Variants in PICALM observed in about 807,000 individuals in gnomAD.
The protein encoded by PICALM is phosphatidylinositol-binding clathrin assembly protein.
In PICALM, 40 loss-of-function variants were observed where a neutral mutation model predicts 80.5. The ratio of observed to expected loss-of-function variants is 0.50; its 90% CI spans 0.39 to 0.65. The LOEUF is 0.65. Ranked by LOEUF, PICALM falls within the 30% of genes least tolerant of loss-of-function variation. The pLI, the probability that PICALM is intolerant of heterozygous loss-of-function variation, is 0.00. For missense variants in PICALM, 676 were observed against 778.9 expected (o/e 0.87, Z 1.57); for synonymous variants, 288 against 260.3 (o/e 1.11, Z -1.02).
chr11:85,960,753 T>C, intron 19 of PICALM: 5 of 1,310,536 alleles, frequency 3.8e-6, no homozygotes, highest in South Asian at 3.8e-5. Context: ...GGACTGTGAC[T>C]GGAGGGGCTG....
At chr11:86,023,355 A>T in intron 3 of PICALM, 11 of 494,334 alleles carry the variant, frequency 2.2e-5, no homozygotes, top group Non-Finnish European at 2.9e-5. Flanking sequence ...ATTAAGTACC[A>T]GTGGAGAAAA....
Position 85,991,724 on chromosome 11 carries a change from G to A in PICALM, c.1259-1325C>T, listed in dbSNP as rs200758405. Among the ~76,000 whole-genome samples, 7 of 150,400 alleles carry A rather than the reference G, an allele frequency of 4.7e-5. No homozygotes were observed. In the East Asian group the frequency reaches 1.2e-3, roughly 25 times the overall value. On this transcript the variant is annotated intron_variant, in intron 12 of 19. Transcript: ENST00000393346. ...TATGCTGATTATGCTATTCAAACTC[G>A]AAATCTTTCCCATCATTCCACCCCC...
At chr11:85,970,909 G>A (rs2094087734) in intron 19 of PICALM, among the ~76,000 whole-genome samples, 1 of 152,108 alleles carries the variant, frequency 6.6e-6, no homozygotes, top group African/African-American at 2.4e-5. Flanking sequence ...GGATTAAATC[G>A]GGGAGGCAGA....
chr11:86,008,028 C>A (rs765431085), intron 7 of PICALM, among the ~76,000 whole-genome samples: 54 of 152,210 alleles, frequency 3.5e-4, no homozygotes, highest in Non-Finnish European at 6.8e-4. Flanking sequence ...CATGCTTTCC[C>A]TGGAAATCAC....
At chr11:86,020,722 A>T (rs990003737) in intron 4 of PICALM, among the ~76,000 whole-genome samples, 8 of 152,238 alleles carry the variant, frequency 5.3e-5, no homozygotes, top group African/African-American at 1.9e-4. Flanking sequence ...CACCATATAC[A>T]AAAGTTAATT....
intron 4 of PICALM, among the ~76,000 whole-genome samples, chr11:86,021,303 A>G (rs537672657): frequency 6.6e-6 from 1 of 152,276 alleles, no homozygotes; most frequent in East Asian, 1.9e-4. Context: ...GTGAGCTGGG[A>G]TGGTGCCACT....
rs1360876147 is a variant in PICALM, at chr11:85,981,957, C to G, written c.1563G>C (p.Gln521His). The G allele has an allele frequency of 6.2e-7, 1 of 1,613,018 alleles. No homozygotes were observed. The highest frequency in any genetic ancestry group is 1.7e-5 in the Admixed American group (1 of 60,028). Residue 521 changes from glutamine (Q) to histidine (H), a missense_variant, in exon 15 of 20, where the codon CAG becomes CAC. Gln to His is a conservative substitution (Grantham distance 24, BLOSUM62 0). Around this residue, in one of 2 missense-constraint regions of PICALM, gnomAD observed 391 missense variants for 383.6 expected, o/e 1.02. Transcript: ENST00000393346. ...GGLLKPTVAS[Q>H]NQNLPVAKLP... ...GTTTGGCAACAGGAAGGTTCTGGTT[C>G]TGAGAGGCCACTGTTGGTTTGAGAA...
chr11:86,061,795 G>A (rs375835755), intron 1 of PICALM, among the ~76,000 whole-genome samples: 3 of 152,286 alleles, frequency 2.0e-5, no homozygotes, highest in African/African-American at 7.2e-5. Flanking sequence ...CAAAAGACAC[G>A]CACACAGATG....
intron 6 of PICALM, among the ~76,000 whole-genome samples, chr11:86,012,032 A>G (rs954095002): frequency 6.6e-6 from 1 of 152,132 alleles, no homozygotes. Context: ...CTAAAAATTA[A>G]TAAAATGGGT....
At chr11:86,008,215 T>C (rs750493507) in intron 7 of PICALM, among the ~76,000 whole-genome samples, 12 of 152,200 alleles carry the variant, frequency 7.9e-5, no homozygotes, top group Non-Finnish European at 1.3e-4. Context: ...CTGTGTATTC[T>C]AGCACCCCAA....
intron 2 of PICALM, among the ~76,000 whole-genome samples, chr11:86,028,129 G>T (rs1294458698): frequency 6.6e-6 from 1 of 151,912 alleles, no homozygotes; most frequent in African/African-American, 2.4e-5. Context: ...ATTATATTTA[G>T]CTGCAAAGAC....
chr11:85,991,039 GA>G (rs2094756739), intron 12 of PICALM, among the ~76,000 whole-genome samples: 2 of 152,080 alleles, frequency 1.3e-5, no homozygotes, highest in African/African-American at 2.4e-5. Flanking sequence ...ATTGCTAAAG[GA>G]ACAACAAAAG....
chr11:86,031,484 C>T lies in PICALM; in HGVS notation c.258G>A (p.Met86Ile). The T allele has an allele frequency of 6.2e-7, 1 of 1,612,100 alleles. No homozygotes were observed. The highest frequency in any genetic ancestry group is 8.5e-7 in the Non-Finnish European group (1 of 1,179,334). Residue 86 changes from methionine (M) to isoleucine (I), a missense_variant, in exon 2 of 20, where the codon ATG (methionine) becomes ATA (isoleucine). Coordinates refer to ENST00000393346, the MANE Select transcript of PICALM (RefSeq NM_007166.4). The stretch of plus-strand genomic sequence containing the variant: ...TTCTGCTTACCTCATTTCCATACAC[C>T]ATCAAATGATGAGTTGTAATGAGAG... ...FKSLITTHHL[M>I]VYGNERFIQY... is the part of the protein sequence containing the mutation.
intron 1 of PICALM, among the ~76,000 whole-genome samples, chr11:86,063,397 T>G (rs1370305243): frequency 6.6e-6 from 1 of 152,150 alleles, no homozygotes; most frequent in African/African-American, 2.4e-5. Flanking sequence ...GCCCAAAGTC[T>G]TATACTATTT....
chr11:85,991,172 CTG>C (rs895803983), intron 12 of PICALM, among the ~76,000 whole-genome samples: 1 of 152,028 alleles, frequency 6.6e-6, no homozygotes, highest in African/African-American at 2.4e-5. Context: ...ATTCTAATGA[CTG>C]AAATCTATTT....
intron 17 of PICALM, among the ~76,000 whole-genome samples, chr11:85,980,648 GA>G (rs1316729350): frequency 6.6e-6 from 1 of 152,020 alleles, no homozygotes; most frequent in Non-Finnish European, 1.5e-5. Context: ...TACCAATAAT[GA>G]AATCACAAGA....
intron 12 of PICALM, among the ~76,000 whole-genome samples, chr11:85,994,620 T>C (rs2094898853): frequency 6.6e-6 from 1 of 152,258 alleles, no homozygotes; most frequent in Non-Finnish European, 1.5e-5. Flanking sequence ...ACAGCAGCAT[T>C]ATATGTAAAA....
chr11:85,991,465 T>C (rs1380636564), intron 12 of PICALM, among the ~76,000 whole-genome samples: 1 of 151,926 alleles, frequency 6.6e-6, no homozygotes, highest in African/African-American at 2.4e-5. Context: ...TCATTTACTA[T>C]GATATAGGCA....
chr11:86,048,050 G>A lies in PICALM; in HGVS notation c.131-16439C>T, dbSNP rs1365441643. ...CGGGAGGCAGAGGCTGCAGTGAGCCGAGATCCCGCCACTGCACTCCAGCCT... is the reference window on the plus strand; with the variant it reads ...CGGGAGGCAGAGGCTGCAGTGAGCCAAGATCCCGCCACTGCACTCCAGCCT... On this transcript the variant is annotated intron_variant, in intron 1 of 19. Coordinates refer to ENST00000393346, the MANE Select transcript of PICALM (RefSeq NM_007166.4). Among the ~76,000 whole-genome samples, 8 of 151,914 alleles carry A rather than the reference G, an allele frequency of 5.3e-5. 1 individual carries two copies. Among genetic ancestry groups the A allele is most frequent in the African/African-American group, 1.9e-4 (8 of 41,348 alleles).
Sources: allele counts gnomAD v4.1 joint callset (sites outside exome capture counted in the v4.1 genomes callset), GRCh38; gene constraint gnomAD v4.1.1; regional missense constraint gnomAD v4.1.1; transcripts MANE v1.5; gene names NCBI Gene and HGNC (gene_info 2026-07-23, HGNC 2026-07-21).